The following IL15 variants were observed in gnomAD, a reference collection of about 807,000 sequenced individuals.
The protein encoded by IL15 is interleukin 15.
In IL15, 11 loss-of-function variants were observed where a neutral mutation model predicts 19.6. That is an observed-to-expected ratio of 0.56 (90% CI 0.35 to 0.93). The LOEUF is 0.93. Among genes scored for constraint, IL15 ranks in the 40% least tolerant of loss-of-function variants. The pLI is 0.01. For synonymous variants in IL15, 58 were observed against 59.6 expected, an observed-to-expected ratio of 0.97 and a Z score of 0.12; for missense variants, 197 against 186.5, an observed-to-expected ratio of 1.06 and a Z score of -0.33.
At chr4:141,672,430 A>ATT (rs1728205553) in intron 2 of IL15, among the ~76,000 whole-genome samples, 1 of 152,130 alleles carries the variant, frequency 6.6e-6, no homozygotes, top group Non-Finnish European at 1.5e-5. Context: ...TTTTATTTTA[A>ATT]TCAAGTAGTT....
chr4:141,678,355 C>T (rs1164521899), intron 2 of IL15, among the ~76,000 whole-genome samples: 2 of 152,164 alleles, frequency 1.3e-5, no homozygotes, highest in Middle Eastern at 3.4e-3. Context: ...AGGCTTATTG[C>T]AGTTTCTTTT....
chr4:141,652,712 CT>C (rs1404612278), intron 1 of IL15, among the ~76,000 whole-genome samples: 1 of 152,102 alleles, frequency 6.6e-6, no homozygotes, highest in African/African-American at 2.4e-5. Context: ...GAGAAACTGT[CT>C]GGAGAAAGAG....
At chr4:141,639,984 T>C (rs1389343668) in intron 1 of IL15, among the ~76,000 whole-genome samples, 1 of 152,228 alleles carries the variant, frequency 6.6e-6, no homozygotes, top group African/African-American at 2.4e-5. Context: ...TATATGTGTA[T>C]ATATACTGTG....
At position 141,727,963 on chromosome 4, in the gene IL15, A is replaced by T; in HGVS notation, c.219A>T (p.Leu73Phe). The T allele has an allele frequency of 7.3e-7, 1 of 1,361,978 alleles. No individual in the cohort carries two copies. Among genetic ancestry groups the T allele is most frequent in the Non-Finnish European group, 1.0e-6 (1 of 969,332 alleles). The allele number at this position is 1,361,978 out of a possible 1,614,324, so 84.4% of individuals were successfully genotyped here. The part of the protein sequence containing the change: ...LIQSMHIDAT[L>F]YTESDVHPSC... ...AGTCTATGCATATTGATGCTACTTTATATACGGAAAGTGATGTTCACGTGA... is the reference window on the plus strand; with the variant it reads ...AGTCTATGCATATTGATGCTACTTTTTATACGGAAAGTGATGTTCACGTGA... The change falls in exon 6 of 8, where the codon TTA becomes TTT. Residue 73 changes from leucine (L) to phenylalanine (F), a missense_variant. Leu to Phe is a conservative substitution (Grantham distance 22). Coordinates refer to ENST00000320650, the MANE Select transcript of IL15 (RefSeq NM_000585.5).
chr4:141,714,745 A>G (rs1056090319), intron 2 of IL15: 5 of 152,144 alleles, frequency 3.3e-5, no homozygotes, highest in African/African-American at 1.2e-4. Flanking sequence ...CCCCTTATTC[A>G]GTAGTCATTC....
intron 2 of IL15, among the ~76,000 whole-genome samples, chr4:141,667,560 T>G (rs1370357533): frequency 6.6e-6 from 1 of 152,182 alleles, no homozygotes; most frequent in African/African-American, 2.4e-5. Context: ...TTCATACCTT[T>G]TTTTTTCACT....
At chr4:141,692,586 C>T (rs533472203) in intron 2 of IL15, among the ~76,000 whole-genome samples, 2 of 152,154 alleles carry the variant, frequency 1.3e-5, no homozygotes, top group Admixed American at 6.5e-5. Context: ...TTTCTTCTGC[C>T]GGATACCCTA....
intron 2 of IL15, among the ~76,000 whole-genome samples, chr4:141,696,194 C>G (rs764403531): frequency 6.6e-6 from 1 of 152,102 alleles, no homozygotes; most frequent in African/African-American, 2.4e-5. Flanking sequence ...GAAAGACTGT[C>G]TTTTACCCAA....
At chr4:141,709,063 TTA>T (rs1729622404) in intron 2 of IL15, among the ~76,000 whole-genome samples, 2 of 145,760 alleles carry the variant, frequency 1.4e-5, no homozygotes, top group South Asian at 4.3e-4. Context: ...ATTTTCAATA[TTA>T]TTCAATATTG....
At chr4:141,677,198 ACTT>A (rs1728376290) in intron 2 of IL15, among the ~76,000 whole-genome samples, 2 of 151,946 alleles carry the variant, frequency 1.3e-5, no homozygotes, top group Non-Finnish European at 2.9e-5. Flanking sequence ...CACCTCCTCC[ACTT>A]CTTCTGCCTC....
chr4:141,731,976 T>C (rs558122041), intron 7 of IL15, among the ~76,000 whole-genome samples: 3 of 152,284 alleles, frequency 2.0e-5, no homozygotes, highest in South Asian at 2.1e-4. Flanking sequence ...CAATGGGTGA[T>C]TACAGTGTGT....
At chr4:141,666,729 T>TC (rs1392710032) in intron 2 of IL15, among the ~76,000 whole-genome samples, 6 of 151,596 alleles carry the variant, frequency 4.0e-5, no homozygotes, top group Admixed American at 1.3e-4. Flanking sequence ...ACTCTCATCT[T>TC]CCCCCCTTTG....
intron 2 of IL15, among the ~76,000 whole-genome samples, chr4:141,656,508 A>AT (rs555060201): frequency 6.6e-6 from 1 of 152,018 alleles, no homozygotes; most frequent in Non-Finnish European, 1.5e-5. Flanking sequence ...ATTGCACATA[A>AT]TTTTTTTTCT....
At chr4:141,643,257 A>G (rs1312043337) in intron 1 of IL15, among the ~76,000 whole-genome samples, 3 of 152,106 alleles carry the variant, frequency 2.0e-5, no homozygotes, top group African/African-American at 4.8e-5. Context: ...CCATGTAGCC[A>G]TGCTATAACT....
intron 2 of IL15, among the ~76,000 whole-genome samples, chr4:141,706,413 G>A (rs927547187): frequency 7.3e-5 from 11 of 151,642 alleles, no homozygotes; most frequent in African/African-American, 2.7e-4. Flanking sequence ...ATTTTTGACC[G>A]TTTTGATTTA....
At chr4:141,732,685 T>C (rs1730488559) in intron 7 of IL15, 53 bp from the exon 8 acceptor site, 1 of 1,591,310 alleles carries the variant, frequency 6.3e-7, no homozygotes, top group Non-Finnish European at 8.5e-7. Context: ...CCCATGAATG[T>C]ATATTTAATT....
chr4:141,678,221 T>G (rs1324796745), intron 2 of IL15, among the ~76,000 whole-genome samples: 2 of 152,204 alleles, frequency 1.3e-5, no homozygotes, highest in Non-Finnish European at 2.9e-5. Context: ...TTTCTGTGAT[T>G]TGCACTTGTG....
intron 2 of IL15, among the ~76,000 whole-genome samples, chr4:141,706,183 A>G (rs1437708956): frequency 2.0e-5 from 3 of 151,600 alleles, no homozygotes; most frequent in Admixed American, 6.6e-5. Flanking sequence ...TGGTGGTTTT[A>G]TGTGTTACTA....
chr4:141,686,909 A>C (rs1728731321), intron 2 of IL15, among the ~76,000 whole-genome samples: 1 of 152,222 alleles, frequency 6.6e-6, no homozygotes, highest in South Asian at 2.1e-4. Flanking sequence ...CCTTTTTCAA[A>C]TAATAATTTT....
Sources: allele counts gnomAD v4.1 joint callset (sites outside exome capture counted in the v4.1 genomes callset), GRCh38; gene constraint gnomAD v4.1.1; transcripts MANE v1.5; gene names NCBI Gene and HGNC (gene_info 2026-07-23, HGNC 2026-07-21).